DPYD: variants seen among roughly 807,000 people sequenced by gnomAD.
The protein encoded by DPYD is dihydropyrimidine dehydrogenase [NADP(+)].
In DPYD, 109 loss-of-function variants were observed where a neutral mutation model predicts 116.2. The ratio of observed to expected loss-of-function variants is 0.94; its 90% CI spans 0.80 to 1.10. The LOEUF (loss-of-function observed/expected upper bound fraction) is 1.10, where lower values mean the gene tolerates loss of function less well. Ranked by LOEUF, DPYD falls within the 50% of genes least tolerant of loss-of-function variation. The pLI, the probability that DPYD is intolerant of heterozygous loss-of-function variation, is 0.00. For missense variants in DPYD, 1,302 were observed against 1,254.5 expected, an observed-to-expected ratio of 1.04 and a Z score of -0.57; for synonymous variants, 440 against 432.0, an observed-to-expected ratio of 1.02 and a Z score of -0.23.
intron 20 of DPYD, among the ~76,000 whole-genome samples, chr1:97,106,694 T>C (rs1473272028): frequency 6.6e-6 from 1 of 152,130 alleles, no homozygotes; most frequent in Non-Finnish European, 1.5e-5. Flanking sequence ...CCCCCAGTTT[T>C]TAGGCCTTCA....
chr1:97,188,844 CA>C (rs1658173994), intron 20 of DPYD, among the ~76,000 whole-genome samples: 1 of 152,192 alleles, frequency 6.6e-6, no homozygotes, highest in Non-Finnish European at 1.5e-5. Context: ...TTTGCCAAGT[CA>C]AGAAGGCATA....
chr1:97,737,699 G>A (rs1238973358), intron 4 of DPYD, among the ~76,000 whole-genome samples: 1 of 151,972 alleles, frequency 6.6e-6, no homozygotes, highest in Non-Finnish European at 1.5e-5. Flanking sequence ...TGTAACAGCT[G>A]TAATATGTGT....
chr1:97,800,848 T>C (rs1260759162), intron 3 of DPYD, among the ~76,000 whole-genome samples: 1 of 151,962 alleles, frequency 6.6e-6, no homozygotes, highest in Non-Finnish European at 1.5e-5. Flanking sequence ...TCTTCTGTTG[T>C]TTCTTGGAGC....
chr1:97,251,378 G>C (rs1303623981), intron 18 of DPYD, among the ~76,000 whole-genome samples: 5 of 110,118 alleles, frequency 4.5e-5, no homozygotes, highest in Non-Finnish European at 6.9e-5. Flanking sequence ...GCCAACAAGA[G>C]TGAAACTCTG....
At chr1:97,608,179 G>A (rs140164737) in intron 8 of DPYD, among the ~76,000 whole-genome samples, 89 of 151,924 alleles carry the variant, frequency 5.9e-4, no homozygotes, top group African/African-American at 2.0e-3. Flanking sequence ...GAATATATTC[G>A]CACTGGAGCA....
chr1:97,481,893 C>T (rs1027341722), intron 13 of DPYD, among the ~76,000 whole-genome samples: 1 of 152,022 alleles, frequency 6.6e-6, no homozygotes, highest in African/African-American at 2.4e-5. Flanking sequence ...TGTTCATTCA[C>T]ACACACACAT....
intron 12 of DPYD, among the ~76,000 whole-genome samples, chr1:97,547,511 T>C (rs1557789044): frequency 6.6e-6 from 1 of 151,886 alleles, no homozygotes; most frequent in East Asian, 1.9e-4. Context: ...ATTGTGTTCT[T>C]TTTCTTTCTT....
At chr1:97,587,142 C>A (rs1654183607) in intron 10 of DPYD, among the ~76,000 whole-genome samples, 1 of 152,204 alleles carries the variant, frequency 6.6e-6, no homozygotes, top group South Asian at 2.1e-4. Context: ...AGTTTCACAA[C>A]TTTCCAAAAG....
At chr1:97,859,209 A>G (rs1409757334) in intron 2 of DPYD, among the ~76,000 whole-genome samples, 2 of 152,136 alleles carry the variant, frequency 1.3e-5, no homozygotes, top group African/African-American at 2.4e-5. Flanking sequence ...TGTAAGCTTA[A>G]AAAAAAGAAT....
chr1:97,313,899 G>C (rs1207357307), intron 16 of DPYD, among the ~76,000 whole-genome samples: 2 of 151,878 alleles, frequency 1.3e-5, no homozygotes, highest in African/African-American at 2.4e-5. Context: ...TCCTAGCAAA[G>C]AGCCTGGTAC....
intron 3 of DPYD, among the ~76,000 whole-genome samples, chr1:97,785,045 T>C (rs1666946619): frequency 6.6e-6 from 1 of 152,174 alleles, no homozygotes. Context: ...CACAAATAAA[T>C]TTATTAATCT....
At chr1:97,664,010 G>T (rs1659414032) in intron 8 of DPYD, among the ~76,000 whole-genome samples, 1 of 152,078 alleles carries the variant, frequency 6.6e-6, no homozygotes, top group Non-Finnish European at 1.5e-5. Context: ...TCACAGATTA[G>T]AAAATATTTA....
intron 12 of DPYD, among the ~76,000 whole-genome samples, chr1:97,542,305 T>C (rs1650505066): frequency 6.6e-6 from 1 of 152,128 alleles, no homozygotes; most frequent in Non-Finnish European, 1.5e-5. Context: ...ACAGAGAACA[T>C]CTTTATGAAA....
At chr1:97,629,165 C>A (rs967287495) in intron 8 of DPYD, among the ~76,000 whole-genome samples, 1 of 152,020 alleles carries the variant, frequency 6.6e-6, no homozygotes, top group African/African-American at 2.4e-5. Context: ...TAAATCCTAT[C>A]GGTCTCACTT....
intron 1 of DPYD, among the ~76,000 whole-genome samples, chr1:97,916,927 T>A (rs111245422): frequency 3.3e-5 from 5 of 152,262 alleles, no homozygotes; most frequent in African/African-American, 9.6e-5. Context: ...GAAGCTACCA[T>A]TAGAATCAGT....
At chr1:97,854,027 A>G (rs1670695670) in intron 2 of DPYD, among the ~76,000 whole-genome samples, 1 of 152,208 alleles carries the variant, frequency 6.6e-6, no homozygotes, top group Non-Finnish European at 1.5e-5. Flanking sequence ...CACACATTTG[A>G]CTGCTGATTA....
intron 7 of DPYD, among the ~76,000 whole-genome samples, chr1:97,685,532 AG>A (rs1459976815): frequency 6.6e-6 from 1 of 152,222 alleles, no homozygotes; most frequent in Non-Finnish European, 1.5e-5. Context: ...GTATTCAAAT[AG>A]GAAAAGAGGA....
intron 2 of DPYD, among the ~76,000 whole-genome samples, chr1:97,864,233 T>C (rs954823203): frequency 2.6e-5 from 4 of 151,828 alleles, no homozygotes; most frequent in Admixed American, 2.0e-4. Context: ...TCAACAGAGA[T>C]TGATTAATTG....
In DPYD at chr1:97,366,504, G is replaced by A. The variant is rs115969095; in HGVS notation, c.2058+7057C>T. Among the ~76,000 whole-genome samples the A allele has an allele frequency of 4.1e-3, 627 of 152,194 alleles. 5 individuals are homozygous for A. Among genetic ancestry groups the A allele is most frequent in the African/African-American group, 0.014 (588 of 41,534 alleles). On this transcript the variant is annotated intron_variant, in intron 16 of 22. Coordinates refer to ENST00000370192, the MANE Select transcript of DPYD (RefSeq NM_000110.4). ...TGCAATGATTTTCAAACCCATAAAA[G>A]TGATGCCTCAGGGGATCATCCCACT...
Sources: allele counts gnomAD v4.1 joint callset (sites outside exome capture counted in the v4.1 genomes callset), GRCh38; gene constraint gnomAD v4.1.1; transcripts MANE v1.5; gene names NCBI Gene and HGNC (gene_info 2026-07-23, HGNC 2026-07-21).